Variants in GABBR1 observed in about 807,000 individuals in gnomAD.
GABBR1 encodes the protein GABA-B receptor, R1 subunit.
GABBR1 carries 35 observed loss-of-function variants against 117.7 expected under a neutral mutation model. The ratio of observed to expected loss-of-function variants is 0.30; its 90% CI spans 0.23 to 0.39. The LOEUF is 0.39. Among genes scored for constraint, GABBR1 ranks in the 10% least tolerant of loss-of-function variants. The pLI, the probability that GABBR1 is intolerant of heterozygous loss-of-function variation, is 1.00. For missense variants in GABBR1, 709 were observed against 1,241.8 expected (o/e 0.57, Z 6.45); for synonymous variants, 442 against 486.6 (o/e 0.91, Z 1.21).
chr6:29,603,441 G>A lies in GABBR1; in HGVS notation c.*102C>T, dbSNP rs1299351407. 2 of 968,102 alleles carry A rather than the reference G, an allele frequency of 2.1e-6. No homozygotes were observed. The highest frequency in any genetic ancestry group is 2.0e-5 in the Admixed American group (1 of 50,272). 60.0% of individuals were successfully genotyped at this position (968,102 alleles called of 1,614,324 possible). On this transcript the variant is annotated 3_prime_UTR_variant, in exon 23 of 23. Coordinates refer to ENST00000377034, the MANE Select transcript of GABBR1 (RefSeq NM_001470.4). ...TACAAGAGATGAGATTGGATAGCAT[G>A]TTCTTCCCAGCTGGGGATGGGGACC...
At position 29,623,800 on chromosome 6, in the gene GABBR1, T is replaced by C; in HGVS notation, c.792+90A>G. 1 of 1,469,592 alleles carries C rather than the reference T, an allele frequency of 6.8e-7. No individual in the cohort carries two copies. Among genetic ancestry groups the C allele is most frequent in the Non-Finnish European group, 9.2e-7 (1 of 1,081,320 alleles). 91.0% of individuals were successfully genotyped at this position (1,469,592 alleles called of 1,614,324 possible). ...CTTAGTAGCAGGTCCTCCACACTCCTTTTCAATACAAACCCACAATCGCCA... is the reference window on the plus strand; with the variant it reads ...CTTAGTAGCAGGTCCTCCACACTCCCTTTCAATACAAACCCACAATCGCCA... On this transcript the variant is annotated intron_variant, in intron 7 of 22. Coordinates refer to ENST00000377034, the MANE Select transcript of GABBR1 (RefSeq NM_001470.4). This position sits in a 1 kb window ranked among gnomAD's most constrained non-coding sequence, Gnocchi z 6.2.
intron 11 of GABBR1, among the ~76,000 whole-genome samples, chr6:29,614,913 T>C (rs1212230140): frequency 7.0e-6 from 1 of 142,270 alleles, no homozygotes; most frequent in Non-Finnish European, 1.5e-5. Context: ...TAGAAGGCTA[T>C]GCATGTGGGA....
At position 29,613,242 on chromosome 6, in the gene GABBR1, C is replaced by T; in HGVS notation, c.1566+1G>A. On this transcript the variant is annotated splice_donor_variant, in intron 12 of 22. Transcript: ENST00000377034. LOFTEE classifies it high-confidence loss of function. This position sits in a 1 kb window ranked among gnomAD's most constrained non-coding sequence, Gnocchi z 4.1. ...GGAGTATGAAGGAAGTTTTAACTCA[C>T]AGAGACACCCTCAAAGGACGAAGAG... 6.2e-7 allele frequency: 1 copy of T among 1,612,588 alleles called. No homozygotes were observed.
At chr6:29,614,496 T>G (rs576872081) in intron 11 of GABBR1, among the ~76,000 whole-genome samples, 38 of 152,366 alleles carry the variant, frequency 2.5e-4, no homozygotes, top group Admixed American at 5.9e-4. Flanking sequence ...TCTCTCCAAC[T>G]TTCTAGAGAG....
intron 22 of GABBR1, 136 bp from the exon 23 acceptor site, chr6:29,603,852 G>A (rs2127386531): frequency 1.9e-6 from 1 of 518,304 alleles, no homozygotes; most frequent in Non-Finnish European, 3.2e-6. Flanking sequence ...TAGGGTAAGT[G>A]GACAGAATAA....
intron 13 of GABBR1, among the ~76,000 whole-genome samples, chr6:29,612,293 G>A (rs111998240): frequency 3.9e-5 from 6 of 152,102 alleles, no homozygotes; most frequent in Admixed American, 1.3e-4. Context: ...TGGGATTACA[G>A]GGGTGAGCCA....
At chr6:29,625,894 T>G (rs1458880794) in intron 6 of GABBR1, among the ~76,000 whole-genome samples, 1 of 152,200 alleles carries the variant, frequency 6.6e-6, no homozygotes, top group Non-Finnish European at 1.5e-5. Context: ...CTCTACCAGA[T>G]CTGATCCTCT....
Position 29,603,481 on chromosome 6 carries a change from T to TCC in GABBR1, c.*60_*61dup, listed in dbSNP as rs1761602682. The TCC allele has an allele frequency of 6.9e-7, 1 of 1,442,492 alleles. No homozygotes were observed. Among genetic ancestry groups the TCC allele is most frequent in the Admixed American group, 2.0e-5 (1 of 50,444 alleles). 89.4% of individuals were successfully genotyped at this position (1,442,492 alleles called of 1,614,324 possible). A position where few individuals can be genotyped will look rare whatever the true frequency, so the allele number is the denominator to read the frequency against. On this transcript the variant is annotated 3_prime_UTR_variant, in exon 23 of 23. Transcript: ENST00000377034. ...GGATGGGGACCCCCTGCTTCCTGAG[T>TCC]CCCCTGCCCTTCCCCTCTCCCTTTC...
Position 29,623,240 on chromosome 6 carries a change from G to A in GABBR1, c.963+65C>T, listed in dbSNP as rs189605545. On this transcript the variant is annotated intron_variant, in intron 8 of 22. Transcript: ENST00000377034. The surrounding 1 kb of genome is among the most constrained non-coding windows in gnomAD (Gnocchi z 6.2). ...TCTTGCCCCTAAAAGTGACTCTCAC[G>A]TCACATCTCCTGGTGCTGGAATTTG... The A allele has an allele frequency of 1.2e-4, 180 of 1,462,894 alleles. 2 individuals are homozygous for A. The African/African-American group carries it at 1.8e-3, about 15-fold the overall frequency. 90.6% of individuals were successfully genotyped at this position (1,462,894 alleles called of 1,614,324 possible). A position where few individuals can be genotyped will look rare whatever the true frequency, so the allele number is the denominator to read the frequency against.
chr6:29,625,177 GC>G lies in GABBR1; in HGVS notation c.658-1154del, dbSNP rs554926099. On this transcript the variant is annotated intron_variant, in intron 6 of 22. Transcript: ENST00000377034. ...TGTTGCCCACCCTACCCTCACTCTG[GC>G]CAAGGGCAGTGCTCAACAACATTGG... 1.3e-3 allele frequency among the ~76,000 whole-genome samples: 191 copies of G among 152,150 alleles called. 1 individual carries two copies. Among genetic ancestry groups the G allele is most frequent in the African/African-American group, 3.6e-3 (150 of 41,476 alleles).
chr6:29,604,986 G>A lies in GABBR1; in HGVS notation c.2442C>T (p.Val814=), dbSNP rs1451934965. ...TGACAGGAGCAGTGATGAGGCACAGGACCTAGAGGGAAAGACACATTGAGG... is the reference window on the plus strand; with the variant it reads ...TGACAGGAGCAGTGATGAGGCACAGAACCTAGAGGGAAAGACACATTGAGG... ...AVGMAIYNVA[V]LCLITAPVTM... Residue 814 remains valine (V), a splice_region_variant and synonymous_variant, in exon 21 of 23, where the codon GTC becomes GTT. Coordinates refer to ENST00000377034, the MANE Select transcript of GABBR1 (RefSeq NM_001470.4). This position sits in a 1 kb window ranked among gnomAD's most constrained non-coding sequence, Gnocchi z 5.3. The A allele has an allele frequency of 6.2e-7, 1 of 1,609,198 alleles. No homozygotes were observed. The highest frequency in any genetic ancestry group is 8.5e-7 in the Non-Finnish European group (1 of 1,178,318).
Position 29,609,510 on chromosome 6 carries a change from T to A in GABBR1, c.1709-131A>T, listed in dbSNP as rs976891902. On this transcript the variant is annotated intron_variant, in intron 14 of 22. Transcript: ENST00000377034. This position sits in a 1 kb window ranked among gnomAD's most constrained non-coding sequence, Gnocchi z 4.3. ...GACATTCAGTCATTGGCTGGGGACATGAGGCCCTAACTGCACTGGACAGAG... is the reference window on the plus strand; with the variant it reads ...GACATTCAGTCATTGGCTGGGGACAAGAGGCCCTAACTGCACTGGACAGAG... 1 of 766,368 alleles carries A rather than the reference T, an allele frequency of 1.3e-6. No homozygotes were observed. Among genetic ancestry groups the A allele is most frequent in the Admixed American group, 2.3e-5 (1 of 42,776 alleles). 47.5% of individuals were successfully genotyped at this position (766,368 alleles called of 1,614,324 possible).
At chr6:29,610,804 C>T in intron 14 of GABBR1, 120 bp downstream of exon 14, 2 of 824,414 alleles carry the variant, frequency 2.4e-6, no homozygotes, top group Non-Finnish European at 4.0e-6. Flanking sequence ...TTCTCCTGGC[C>T]CAGCTGCCAG....
rs776313834 is a variant in GABBR1, at chr6:29,611,046, G to GC, written c.1631-46dup. ...AGGAGTGACCACAGGTAGCCAAAGA[G>GC]CTGATCCTAGGCATTTTCAACTTCC... is the stretch of plus-strand genomic sequence containing the variant. On this transcript the variant is annotated intron_variant, in intron 13 of 22. Coordinates refer to ENST00000377034, the MANE Select transcript of GABBR1 (RefSeq NM_001470.4). This position sits in a 1 kb window ranked among gnomAD's most constrained non-coding sequence, Gnocchi z 4.6. 1 of 1,500,028 alleles carries GC rather than the reference G, an allele frequency of 6.7e-7. No individual in the cohort carries two copies. The highest frequency in any genetic ancestry group is 2.3e-5 in the East Asian group (1 of 44,334). 92.9% of individuals were successfully genotyped at this position (1,500,028 alleles called of 1,614,324 possible).
chr6:29,621,351 T>C lies in GABBR1; in HGVS notation c.1132-59A>G. ...TGCTCATTTGTTTGTTTTTGTCTTA[T>C]CTCACTTGATACTATTTAGCCTCTT... On this transcript the variant is annotated intron_variant, in intron 10 of 22. Transcript: ENST00000377034. The surrounding 1 kb of genome is among the most constrained non-coding windows in gnomAD (Gnocchi z 5.0). 2 of 1,355,080 alleles carry C rather than the reference T, an allele frequency of 1.5e-6. No individual in the cohort carries two copies. The highest frequency in any genetic ancestry group is 1.3e-5 in the South Asian group (1 of 77,862). The allele number at this position is 1,355,080 out of a possible 1,614,324, so 83.9% of individuals were successfully genotyped here.
rs1763762001 is a variant in GABBR1 at position 29,621,687 on chromosome 6, G to A, written c.1131+65C>T. 7.3e-7 allele frequency: 1 copy of A among 1,362,134 alleles called. No homozygotes were observed. The highest frequency in any genetic ancestry group is 1.7e-5 in the Admixed American group (1 of 59,314). 84.4% of individuals were successfully genotyped at this position (1,362,134 alleles called of 1,614,324 possible). ...AACTCAGGCACAGATGCCAAGAGGA[G>A]GCCCCACAAGAAAACCAAGGGAAAC... is the stretch of plus-strand genomic sequence containing the variant. On this transcript the variant is annotated intron_variant, in intron 10 of 22. Coordinates refer to ENST00000377034, the MANE Select transcript of GABBR1 (RefSeq NM_001470.4). This position sits in a 1 kb window ranked among gnomAD's most constrained non-coding sequence, Gnocchi z 5.0.
chr6:29,622,626 G>A lies in GABBR1; in HGVS notation c.964-421C>T, dbSNP rs1020630152. On this transcript the variant is annotated intron_variant, in intron 8 of 22. Transcript: ENST00000377034. The surrounding 1 kb of genome is among the most constrained non-coding windows in gnomAD (Gnocchi z 4.6). ...GGTCTGAATCAGAGTGAAAGTGGGGGAGGATTAAAGGGCCACTGAACACAG... is the reference window on the plus strand; with the variant it reads ...GGTCTGAATCAGAGTGAAAGTGGGGAAGGATTAAAGGGCCACTGAACACAG... The A allele has an allele frequency of 5.2e-6, 1 of 190,840 alleles. No homozygotes were observed. Among genetic ancestry groups the A allele is most frequent in the Admixed American group, 5.3e-5 (1 of 18,836 alleles). 11.8% of individuals were successfully genotyped at this position (190,840 alleles called of 1,614,324 possible). A position where few individuals can be genotyped will look rare whatever the true frequency, so the allele number is the denominator to read the frequency against.
In GABBR1 at chr6:29,630,292, A is replaced by T; in HGVS notation, c.475+166T>A. 1.7e-6 allele frequency: 1 copy of T among 597,206 alleles called. No individual in the cohort carries two copies. The highest frequency in any genetic ancestry group is 2.2e-5 in the South Asian group (1 of 44,552). The allele number at this position is 597,206 out of a possible 1,614,324, so 37.0% of individuals were successfully genotyped here. A position where few individuals can be genotyped will look rare whatever the true frequency, so the allele number is the denominator to read the frequency against. On this transcript the variant is annotated intron_variant, in intron 4 of 22. Coordinates refer to ENST00000377034, the MANE Select transcript of GABBR1 (RefSeq NM_001470.4). The surrounding 1 kb of genome is among the most constrained non-coding windows in gnomAD (Gnocchi z 4.9). ...GAGGATACCGGGGACTGCAAGAGGAAGTTTGAGGCAGGTGATGGAGGAAAA... is the reference window on the plus strand; with the variant it reads ...GAGGATACCGGGGACTGCAAGAGGATGTTTGAGGCAGGTGATGGAGGAAAA...
Position 29,632,194 on chromosome 6 carries a change from G to A in GABBR1, c.85+107C>T. 1 of 667,350 alleles carries A rather than the reference G, an allele frequency of 1.5e-6. No individual in the cohort carries two copies. The highest frequency in any genetic ancestry group is 2.3e-6 in the Non-Finnish European group (1 of 428,608). The allele number at this position is 667,350 out of a possible 1,614,324, so 41.3% of individuals were successfully genotyped here. ...CGAGCAGAAGGGGTTGCCAGACCGG[G>A]ATGATATGTGGGACTGATGGGATAG... is the stretch of plus-strand genomic sequence containing the variant. On this transcript the variant is annotated intron_variant, in intron 2 of 22. Transcript: ENST00000377034. This position sits in a 1 kb window ranked among gnomAD's most constrained non-coding sequence, Gnocchi z 5.8.
Sources: allele counts gnomAD v4.1 joint callset (sites outside exome capture counted in the v4.1 genomes callset), GRCh38; gene constraint gnomAD v4.1.1; non-coding constraint Gnocchi (gnomAD v3.1); transcripts MANE v1.5; gene names NCBI Gene and HGNC (gene_info 2026-07-23, HGNC 2026-07-21).